Variants in TG observed in about 807,000 individuals in gnomAD.
TG encodes thyroglobulin.
A neutral mutation model predicts 324.7 loss-of-function variants in TG; 270 were observed. That is an observed-to-expected ratio of 0.83 (90% CI 0.75 to 0.92). The LOEUF is 0.92. TG is among the 40% of genes least tolerant of loss of function. The pLI, the probability that TG is intolerant of heterozygous loss-of-function variation, is 0.00. For missense variants in TG, 3,591 were observed against 3,456.4 expected (o/e 1.04, Z -0.98); for synonymous variants, 1,401 against 1,327.0 (o/e 1.06, Z -1.21).
intron 34 of TG, among the ~76,000 whole-genome samples, chr8:132,973,238 T>C (rs1829768857): frequency 1.3e-5 from 2 of 152,134 alleles, no homozygotes; most frequent in Admixed American, 6.5e-5. Context: ...AATCAATAGA[T>C]ATAGACTCTG....
At chr8:132,933,084 A>T (rs1353351290) in intron 23 of TG, among the ~76,000 whole-genome samples, 2 of 147,466 alleles carry the variant, frequency 1.4e-5, no homozygotes, top group East Asian at 2.0e-4. Flanking sequence ...GGGATCGATG[A>T]TTCAATACAC....
intron 41 of TG, chr8:133,050,801 G>A: frequency 6.5e-7 from 1 of 1,529,616 alleles, no homozygotes; most frequent in Non-Finnish European, 9.1e-7. Flanking sequence ...CACAAGTTTT[G>A]GAGAGCTGAC....
chr8:133,047,601 G>A (rs1486581099), intron 41 of TG: 2 of 560,476 alleles, frequency 3.6e-6, no homozygotes, highest in African/African-American at 3.8e-5. Flanking sequence ...CAGGCCTGAT[G>A]TTGGCCAGGC....
At chr8:132,869,675 C>A in intron 2 of TG, 54 bp from the exon 3 acceptor site, 1 of 1,453,422 alleles carries the variant, frequency 6.9e-7, no homozygotes, top group Non-Finnish European at 9.7e-7. Flanking sequence ...TGGGAGCCGG[C>A]ATGTGGCTTT....
At chr8:133,049,704 A>G in intron 41 of TG, 8 of 573,332 alleles carry the variant, frequency 1.4e-5, no homozygotes, top group Non-Finnish European at 2.5e-5. Flanking sequence ...ACTGAGGGAG[A>G]AGTTGAGTCC....
In TG at chr8:132,967,802, C is replaced by T. The variant is rs1450178339; in HGVS notation, c.5695C>T (p.Gln1899Ter). The T allele has an allele frequency of 9.9e-6, 16 of 1,613,740 alleles. No homozygotes were observed. The highest frequency in any genetic ancestry group is 1.4e-5 in the Non-Finnish European group (16 of 1,179,786). ...ANLWCLSRCV[Q>*]EHSFCQLAEI... The stretch of plus-strand genomic sequence containing the variant: ...TACTCTCTTGCCTGTAGGTTGTGTG[C>T]AGGAGCACTCTTTCTGTCAGCTCGC... The change falls in exon 31 of 48, where the codon CAG becomes TAG. Residue 1899 changes from glutamine (Q) to a stop codon, truncating the protein, a stop_gained. Coordinates refer to ENST00000220616, the MANE Select transcript of TG (RefSeq NM_003235.5). LOFTEE classifies it high-confidence loss of function.
At chr8:132,911,237 C>T in intron 18 of TG, 140 bp from the exon 19 acceptor site, 1 of 1,444,912 alleles carries the variant, frequency 6.9e-7, no homozygotes, top group Non-Finnish European at 9.5e-7. Context: ...AAGGGGGTCA[C>T]TATTCCTTGA....
rs754301376 is a variant in TG at position 132,866,992 on chromosome 8, G to A, written c.-9G>A. On this transcript the variant is annotated 5_prime_UTR_variant, in exon 1 of 48. Coordinates refer to ENST00000220616, the MANE Select transcript of TG (RefSeq NM_003235.5). ...TTTCTCCTCCTTCCTCCCAGGAAGG[G>A]CCAGGAAAATGGCCCTGGTCCTGGA... 7 of 1,588,088 alleles carry A rather than the reference G, an allele frequency of 4.4e-6. No homozygotes were observed. Among genetic ancestry groups the A allele is most frequent in the East Asian group, 2.3e-5 (1 of 43,772 alleles).
At chr8:133,063,294 A>G (rs1193066084) in intron 41 of TG, among the ~76,000 whole-genome samples, 1 of 76,576 alleles carries the variant, frequency 1.3e-5, no homozygotes, top group East Asian at 3.8e-4. Flanking sequence ...CCTCCCCTCC[A>G]TCCCCTCCCC....
chr8:133,037,408 C>T (rs1837291718), intron 41 of TG: 1 of 152,162 alleles, frequency 6.6e-6, no homozygotes, highest in Non-Finnish European at 1.5e-5. Context: ...TGAGTTAATT[C>T]TTTAGACTGT....
chr8:132,893,693 C>T lies in TG; in HGVS notation c.2765C>T (p.Pro922Leu), dbSNP rs776936031. Residue 922 changes from proline (P) to leucine (L), a missense_variant, in exon 11 of 48, where the codon CCT (proline) becomes CTT (leucine). By Grantham distance (98) the Pro-to-Leu change is moderately conservative. Transcript: ENST00000220616. ...TGTGTTATTTTTATTCCCCTAGGTC[C>T]TGGCTCCTGTGAGGAAGCAAAGCTC... ...RSEPSKLPTC[P>L]GSCEEAKLRV... 1 of 1,613,712 alleles carries T rather than the reference C, an allele frequency of 6.2e-7. No individual in the cohort carries two copies. Among genetic ancestry groups the T allele is most frequent in the Admixed American group, 1.7e-5 (1 of 59,974 alleles).
chr8:132,937,690 T>C (rs987904090), intron 25 of TG, among the ~76,000 whole-genome samples: 2 of 152,208 alleles, frequency 1.3e-5, no homozygotes, highest in Admixed American at 6.5e-5. Flanking sequence ...CTACCCAAAA[T>C]GTCCTTTAAA....
intron 41 of TG, chr8:133,039,850 G>A (rs1255214526): frequency 1.4e-6 from 2 of 1,382,116 alleles, no homozygotes; most frequent in African/African-American, 1.4e-5. Context: ...TGTGGGGGGT[G>A]CTCACCCCCC....
intron 43 of TG, among the ~76,000 whole-genome samples, chr8:133,100,173 C>T (rs191454058): frequency 6.6e-6 from 1 of 152,308 alleles, no homozygotes; most frequent in East Asian, 1.9e-4. Flanking sequence ...TATCAGGGTC[C>T]TGGTACTTGC....
chr8:133,056,230 CTAGT>C (rs1179657071), intron 41 of TG, among the ~76,000 whole-genome samples: 1 of 152,082 alleles, frequency 6.6e-6, no homozygotes, highest in Non-Finnish European at 1.5e-5. Flanking sequence ...ATTTCTTGGG[CTAGT>C]TATATATTTT....
chr8:133,060,046 C>G (rs1842140020), intron 41 of TG: 2 of 1,511,782 alleles, frequency 1.3e-6, no homozygotes, highest in Admixed American at 4.8e-5. Flanking sequence ...CCAGTCTTTA[C>G]CACAGGCTCT....
intron 41 of TG, among the ~76,000 whole-genome samples, chr8:133,065,505 T>G (rs1041505595): frequency 1.3e-5 from 2 of 152,196 alleles, no homozygotes; most frequent in African/African-American, 4.8e-5. Flanking sequence ...CTCACACCTG[T>G]GATCCTAGCA....
chr8:133,022,195 G>A, intron 40 of TG, 45 bp downstream of exon 40: 2 of 1,613,178 alleles, frequency 1.2e-6, no homozygotes, highest in Non-Finnish European at 1.7e-6. Flanking sequence ...CCTGAGCCAA[G>A]GCTCAGCCCC....
intron 45 of TG, among the ~76,000 whole-genome samples, chr8:133,129,163 AATAACTCCTGC>A (rs1851765716): frequency 6.6e-6 from 1 of 152,194 alleles, no homozygotes; most frequent in Admixed American, 6.5e-5. Context: ...AACTGCTCAA[AATAACTCCTGC>A]ATCCTGATAG....
Sources: gnomAD v4.1 joint callset for allele counts (sites outside exome capture counted in the v4.1 genomes callset) on GRCh38, gnomAD v4.1.1 for gene constraint, MANE v1.5 for transcripts, NCBI Gene and HGNC (gene_info 2026-07-23, HGNC 2026-07-21) for gene names.